EPHA6: variants seen among roughly 807,000 people sequenced by gnomAD.
The protein encoded by EPHA6 is EPH receptor A6, also known as ephrin type-A receptor 6.
EPHA6 carries 50 observed loss-of-function variants against 112.0 expected under a neutral mutation model. The observed-to-expected ratio is 0.45, with a 90% CI of 0.36 to 0.56. The LOEUF (loss-of-function observed/expected upper bound fraction) is 0.56. Among genes scored for constraint, EPHA6 ranks in the 20% least tolerant of loss-of-function variants. The probability of loss-of-function intolerance (pLI) is 0.00; values close to 1 mark genes in which losing one functional copy is unlikely to be tolerated. For missense variants in EPHA6, 1,280 were observed against 1,417.4 expected (o/e 0.90, Z 1.56); for synonymous variants, 529 against 490.7 (o/e 1.08, Z -1.03).
intron 3 of EPHA6, among the ~76,000 whole-genome samples, chr3:97,176,816 T>G (rs541079391): frequency 6.6e-6 from 1 of 152,056 alleles, no homozygotes; most frequent in South Asian, 2.1e-4. Flanking sequence ...TTGTCAATTT[T>G]GTTTAACTTT....
chr3:96,822,725 T>A (rs2033360103), intron 1 of EPHA6, among the ~76,000 whole-genome samples: 1 of 150,402 alleles, frequency 6.6e-6, no homozygotes, highest in East Asian at 1.9e-4. Flanking sequence ...TATATATAAT[T>A]TATTATGTTA....
chr3:97,504,056 C>T (rs1477268412), intron 10 of EPHA6, among the ~76,000 whole-genome samples: 1 of 152,118 alleles, frequency 6.6e-6, no homozygotes, highest in Non-Finnish European at 1.5e-5. Context: ...ATTTACTTTT[C>T]ATAAGCTATT....
chr3:97,149,388 A>G (rs1350444615), intron 3 of EPHA6, among the ~76,000 whole-genome samples: 2 of 152,138 alleles, frequency 1.3e-5, no homozygotes, highest in Non-Finnish European at 2.9e-5. Flanking sequence ...ATTAATAATA[A>G]TGACATGTAA....
chr3:96,891,028 A>T (rs1270287167), intron 2 of EPHA6, among the ~76,000 whole-genome samples: 1 of 152,182 alleles, frequency 6.6e-6, no homozygotes, highest in East Asian at 1.9e-4. Flanking sequence ...GGTTGCAGTG[A>T]GCTGAGAACT....
At chr3:96,901,506 A>G (rs199967658) in intron 2 of EPHA6, among the ~76,000 whole-genome samples, 3 of 132,512 alleles carry the variant, frequency 2.3e-5, no homozygotes, top group African/African-American at 8.6e-5. Flanking sequence ...ATTCTGTAGA[A>G]GATGTTTGAA....
At chr3:97,428,144 T>C (rs1274571812) in intron 6 of EPHA6, among the ~76,000 whole-genome samples, 2 of 152,174 alleles carry the variant, frequency 1.3e-5, no homozygotes, top group Non-Finnish European at 2.9e-5. Context: ...GCTTTAGAAA[T>C]ATAATTTAGT....
chr3:97,445,351 T>C (rs1196230943), intron 6 of EPHA6, among the ~76,000 whole-genome samples: 1 of 152,160 alleles, frequency 6.6e-6, no homozygotes, highest in Non-Finnish European at 1.5e-5. Context: ...CCCACGCAAC[T>C]ATGCCTTTGG....
chr3:97,236,365 G>T (rs2078680207), intron 4 of EPHA6, among the ~76,000 whole-genome samples: 1 of 151,610 alleles, frequency 6.6e-6, no homozygotes, highest in Admixed American at 6.6e-5. Context: ...TGAGTGAGAG[G>T]TTAGAAAAAA....
chr3:97,719,404 C>G (rs1427706051), intron 14 of EPHA6, among the ~76,000 whole-genome samples: 2 of 152,100 alleles, frequency 1.3e-5, no homozygotes, highest in Non-Finnish European at 1.5e-5. Flanking sequence ...TCTAGTGGCG[C>G]TAGGGCTGCT....
chr3:97,582,095 T>C (rs547272655), intron 11 of EPHA6, among the ~76,000 whole-genome samples: 3 of 152,244 alleles, frequency 2.0e-5, no homozygotes, highest in African/African-American at 7.2e-5. Flanking sequence ...AATGGCCCAA[T>C]CTCAGCTTAC....
chr3:97,600,092 C>T (rs1202953060), intron 12 of EPHA6, among the ~76,000 whole-genome samples: 6 of 149,684 alleles, frequency 4.0e-5, no homozygotes, highest in South Asian at 2.1e-4. Flanking sequence ...TATAAGAATG[C>T]TTGTGATTTT....
rs114934773 is a variant in EPHA6 at position 97,256,887 on chromosome 3, G to A, written c.1606+12600G>A. Among the ~76,000 whole-genome samples the A allele has an allele frequency of 9.4e-3, 1,429 of 152,096 alleles. 19 individuals carry two copies. Among genetic ancestry groups the A allele is most frequent in the African/African-American group, 0.032 (1,344 of 41,534 alleles). Reference sequence around the variant, plus strand: ...TCATCCAGGAATGTCTTCTTAAAATGTGGAATGCATATTTAATCAAAATCA... The same window carrying A: ...TCATCCAGGAATGTCTTCTTAAAATATGGAATGCATATTTAATCAAAATCA... On this transcript the variant is annotated intron_variant, in intron 5 of 17. Transcript: ENST00000389672.
intron 5 of EPHA6, among the ~76,000 whole-genome samples, chr3:97,335,617 A>G (rs746658344): frequency 6.6e-6 from 1 of 152,092 alleles, no homozygotes; most frequent in Non-Finnish European, 1.5e-5. Flanking sequence ...TCCCTTACCC[A>G]GATCTTCAAA....
chr3:97,114,815 T>G (rs1046353913), intron 3 of EPHA6, among the ~76,000 whole-genome samples: 1 of 152,084 alleles, frequency 6.6e-6, no homozygotes, highest in South Asian at 2.1e-4. Context: ...CTCAACATTC[T>G]CACAAGTGTA....
At chr3:96,828,276 A>T (rs887646895) in intron 1 of EPHA6, among the ~76,000 whole-genome samples, 5 of 152,126 alleles carry the variant, frequency 3.3e-5, no homozygotes, top group African/African-American at 9.7e-5. Context: ...TTCCCATCTG[A>T]TACTAAAATG....
Position 97,189,000 on chromosome 3 carries a change from A to G in EPHA6, c.1115-37264A>G, listed in dbSNP as rs192896362. Among the ~76,000 whole-genome samples the G allele has an allele frequency of 3.6e-4, 54 of 152,008 alleles. 2 individuals carry two copies. Among genetic ancestry groups the G allele is most frequent in the African/African-American group, 1.3e-3 (52 of 41,552 alleles). On this transcript the variant is annotated intron_variant, in intron 3 of 17. Transcript: ENST00000389672. ...CTATTATTATATTTTATAATTTTAT[A>G]TTATCTTTACGATAAAAATTGAAAG...
chr3:97,090,915 G>A (rs770755665), intron 3 of EPHA6, among the ~76,000 whole-genome samples: 6 of 151,956 alleles, frequency 3.9e-5, no homozygotes, highest in Admixed American at 6.6e-5. Context: ...AAAAATTTAC[G>A]AATATATGTT....
intron 2 of EPHA6, among the ~76,000 whole-genome samples, chr3:96,969,357 T>G (rs1391495835): frequency 6.6e-6 from 1 of 151,924 alleles, no homozygotes; most frequent in East Asian, 1.9e-4. Flanking sequence ...TAAACCTCAT[T>G]TGAAGCCATT....
intron 13 of EPHA6, among the ~76,000 whole-genome samples, chr3:97,635,537 A>G (rs2107549318): frequency 6.6e-6 from 1 of 152,264 alleles, no homozygotes; most frequent in South Asian, 2.1e-4. Flanking sequence ...AGGTGAAAGA[A>G]GACAGTCACA....
Sources: gnomAD v4.1 joint callset for allele counts (sites outside exome capture counted in the v4.1 genomes callset) on GRCh38, gnomAD v4.1.1 for gene constraint, MANE v1.5 for transcripts, NCBI Gene and HGNC (gene_info 2026-07-23, HGNC 2026-07-21) for gene names.